The following MYB variants were observed in gnomAD, a reference collection of about 807,000 sequenced individuals.
MYB encodes the protein MYB proto-oncogene, transcription factor.
In MYB, 28 loss-of-function variants were observed where a neutral mutation model predicts 92.9. The observed-to-expected ratio is 0.30, with a 90% CI of 0.22 to 0.41. MYB has a LOEUF of 0.41. Among genes scored for constraint, MYB ranks in the 10% least tolerant of loss-of-function variants. MYB has a pLI of 1.00. For missense variants in MYB, 679 were observed against 929.3 expected (o/e 0.73, Z 3.50); for synonymous variants, 295 against 329.1 (o/e 0.90, Z 1.12).
At chr6:135,202,144 A>C (rs1050430370) in intron 14 of MYB, among the ~76,000 whole-genome samples, 2 of 152,152 alleles carry the variant, frequency 1.3e-5, no homozygotes, top group African/African-American at 2.4e-5. Context: ...CGTTGTCTAT[A>C]GTAGATGCCC....
intron 2 of MYB, 36 bp from the exon 3 acceptor site, chr6:135,187,798 T>G: frequency 6.8e-7 from 1 of 1,461,094 alleles, no homozygotes; most frequent in Non-Finnish European, 9.5e-7. Context: ...ATATAGTAAA[T>G]AACTGATATC....
At chr6:135,211,572 A>C (rs1435061217) in intron 15 of MYB, among the ~76,000 whole-genome samples, 1 of 152,190 alleles carries the variant, frequency 6.6e-6, no homozygotes, top group Non-Finnish European at 1.5e-5. Flanking sequence ...TCTTAATCTT[A>C]ATAGTTTGGA....
At chr6:135,195,649 C>A in intron 8 of MYB, 99 bp from the exon 9 acceptor site, 1 of 1,351,350 alleles carries the variant, frequency 7.4e-7, no homozygotes, top group East Asian at 2.3e-5. Context: ...TCTTATCTTT[C>A]CTCCAACAGC....
intron 9 of MYB, 112 bp downstream of exon 9, chr6:135,196,114 T>A: frequency 9.0e-7 from 1 of 1,108,662 alleles, no homozygotes; most frequent in Non-Finnish European, 1.3e-6. Context: ...TATATTAATG[T>A]AAAGGTAGAA....
At chr6:135,210,002 G>A (rs545079513) in intron 15 of MYB, among the ~76,000 whole-genome samples, 1 of 152,330 alleles carries the variant, frequency 6.6e-6, no homozygotes, top group Admixed American at 6.5e-5. Context: ...GTGGAATGCT[G>A]CTGGATTCTG....
chr6:135,196,810 T>C (rs767625697), intron 9 of MYB, 151 bp from the exon 10 acceptor site: 19 of 1,577,316 alleles, frequency 1.2e-5, no homozygotes, highest in African/African-American at 9.4e-5. Context: ...TGCAGTATAA[T>C]AGAGCAACTG....
chr6:135,193,808 C>T (rs762797465), intron 6 of MYB, 30 bp from the exon 7 acceptor site: 19 of 1,509,066 alleles, frequency 1.3e-5, no homozygotes, highest in South Asian at 3.4e-5. Flanking sequence ...CCCTGAATGA[C>T]GTGGCCTTTG....
chr6:135,213,707 C>A (rs1268664687), intron 15 of MYB, among the ~76,000 whole-genome samples: 1 of 152,016 alleles, frequency 6.6e-6, no homozygotes, highest in African/African-American at 2.4e-5. Context: ...CACAGCGAGA[C>A]CCTGTCTCTA....
chr6:135,198,844 T>G, intron 10 of MYB, 64 bp from the exon 11 acceptor site: 1 of 1,359,410 alleles, frequency 7.4e-7, no homozygotes, highest in Non-Finnish European at 1.0e-6. Flanking sequence ...GTGTGATTTT[T>G]AAATTGGGGA....
At chr6:135,201,805 A>G in intron 14 of MYB, 56 bp downstream of exon 14, 3 of 1,069,178 alleles carry the variant, frequency 2.8e-6, no homozygotes, top group East Asian at 2.8e-5. Flanking sequence ...GCCTCATGAA[A>G]TCCTGTGTGT....
At chr6:135,212,099 A>G (rs1039393610) in intron 15 of MYB, among the ~76,000 whole-genome samples, 2 of 151,870 alleles carry the variant, frequency 1.3e-5, no homozygotes, top group African/African-American at 4.8e-5. Flanking sequence ...TTTTTTTCAG[A>G]TAGGTGAAAT....
At chr6:135,217,385 AAAATT>A (rs1780601352) in intron 15 of MYB, among the ~76,000 whole-genome samples, 1 of 152,148 alleles carries the variant, frequency 6.6e-6, no homozygotes, top group Admixed American at 6.5e-5. Context: ...AAAAAGGAAA[AAAATT>A]AAACTATACT....
intron 15 of MYB, among the ~76,000 whole-genome samples, chr6:135,210,673 G>A (rs1041618021): frequency 3.7e-4 from 56 of 152,292 alleles, no homozygotes; most frequent in African/African-American, 1.1e-3. Flanking sequence ...GTTTTCAAAC[G>A]GCATGACTTT....
At chr6:135,217,725 G>C in intron 15 of MYB, 139 bp from the exon 16 acceptor site, 7 of 722,814 alleles carry the variant, frequency 9.7e-6, no homozygotes, top group South Asian at 9.1e-5. Context: ...ATTTCTGGGG[G>C]CCAGGGAGGT....
rs555253038 is a variant in MYB at position 135,181,565 on chromosome 6, G to GGCGGGGGCGC, written c.23+46_23+55dup. 48 of 1,156,504 alleles carry GGCGGGGGCGC rather than the reference G, an allele frequency of 4.2e-5. No homozygotes were observed. Among genetic ancestry groups the GGCGGGGGCGC allele is most frequent in the African/African-American group, 1.6e-4 (10 of 61,540 alleles). The allele number at this position is 1,156,504 out of a possible 1,614,324, so 71.6% of individuals were successfully genotyped here. A position where few individuals can be genotyped will look rare whatever the true frequency, so the allele number is the denominator to read the frequency against. ...ACGGGGAGCCGGGCGGGCGGCCGAG[G>GGCGGGGGCGC]GCGGGGGCGCGCGGGGGCGCGCGGG... On this transcript the variant is annotated intron_variant, in intron 1 of 15. Transcript: ENST00000341911. The surrounding 1 kb of genome is among the most constrained non-coding windows in gnomAD (Gnocchi z 5.3).
chr6:135,202,113 C>G (rs780884529), intron 14 of MYB, among the ~76,000 whole-genome samples: 4 of 152,098 alleles, frequency 2.6e-5, no homozygotes, highest in Non-Finnish European at 5.9e-5. Flanking sequence ...GTTTGTGTAG[C>G]ATCTCATATG....
rs912270018 is a variant in MYB at position 135,181,502 on chromosome 6, G to A, written c.-12G>A. On this transcript the variant is annotated 5_prime_UTR_variant, in exon 1 of 16. Transcript: ENST00000341911. This position sits in a 1 kb window ranked among gnomAD's most constrained non-coding sequence, Gnocchi z 5.3. ...CCCGCGGCTCTCGGCGGAGCCCCGC[G>A]CCCGCCGCGCCATGGCCCGAAGACC... The A allele has an allele frequency of 2.6e-6, 3 of 1,136,376 alleles. No individual in the cohort carries two copies. The highest frequency in any genetic ancestry group is 3.2e-6 in the Non-Finnish European group (3 of 927,494). 70.4% of individuals were successfully genotyped at this position (1,136,376 alleles called of 1,614,324 possible).
At chr6:135,187,236 TATCTAA>T (rs1776042091) in intron 2 of MYB, among the ~76,000 whole-genome samples, 1 of 152,244 alleles carries the variant, frequency 6.6e-6, no homozygotes, top group Admixed American at 6.5e-5. Flanking sequence ...ACATCTGGCC[TATCTAA>T]ATCTAACTGA....
intron 8 of MYB, chr6:135,195,116 AAAT>A: frequency 1.6e-6 from 2 of 1,246,580 alleles, no homozygotes; most frequent in Non-Finnish European, 2.1e-6. Flanking sequence ...ATTTTTTGTT[AAAT>A]AATAAGATGT....
Sources: allele counts gnomAD v4.1 joint callset (sites outside exome capture counted in the v4.1 genomes callset), GRCh38; gene constraint gnomAD v4.1.1; non-coding constraint Gnocchi (gnomAD v3.1); transcripts MANE v1.5; gene names NCBI Gene and HGNC (gene_info 2026-07-23, HGNC 2026-07-21).